The following EIF4E3 variants were observed in gnomAD, a reference collection of about 807,000 sequenced individuals.
EIF4E3 encodes the protein eukaryotic translation initiation factor 4E type 3.
EIF4E3 carries 26 observed loss-of-function variants against 31.7 expected under a neutral mutation model. The ratio of observed to expected loss-of-function variants is 0.82; its 90% CI spans 0.60 to 1.14. The LOEUF (loss-of-function observed/expected upper bound fraction) is 1.14, where lower values mean the gene tolerates loss of function less well. Ranked by LOEUF, EIF4E3 falls within the 50% of genes most tolerant of loss-of-function variation. The pLI, the probability that EIF4E3 is intolerant of heterozygous loss-of-function variation, is 0.00. For missense variants in EIF4E3, 304 were observed against 270.9 expected, an observed-to-expected ratio of 1.12 and a Z score of -0.86; for synonymous variants, 128 against 107.7, an observed-to-expected ratio of 1.19 and a Z score of -1.17.
intron 5 of EIF4E3, among the ~76,000 whole-genome samples, chr3:71,691,034 C>A (rs1408528475): frequency 6.6e-6 from 1 of 152,214 alleles, no homozygotes; most frequent in Non-Finnish European, 1.5e-5. Flanking sequence ...TCCTCCCTTG[C>A]AGCCACTTTG....
chr3:71,676,942 C>T lies in EIF4E3; in HGVS notation c.*7740G>A, dbSNP rs2048878967. The T allele has an allele frequency of 6.6e-6, 1 of 152,128 alleles. No individual in the cohort carries two copies. The highest frequency in any genetic ancestry group is 1.5e-5 in the Non-Finnish European group (1 of 68,034). 9.4% of individuals were successfully genotyped at this position (152,128 alleles called of 1,614,324 possible). On this transcript the variant is annotated 3_prime_UTR_variant, in exon 7 of 7. Coordinates refer to ENST00000425534, the MANE Select transcript of EIF4E3 (RefSeq NM_001134651.2). ...TCTGAAACCTTTCTCTAGGTCCATA[C>T]TTTATATAATCCTATATGTGCAAAA...
chr3:71,696,548 A>G (rs1276264697), intron 3 of EIF4E3, 28 bp from the exon 4 acceptor site: 1 of 1,613,354 alleles, frequency 6.2e-7, no homozygotes, highest in Admixed American at 1.7e-5. Flanking sequence ...GTTTAAAGTT[A>G]CACTCAGGAC....
rs2048876987 is a variant in EIF4E3 at position 71,676,665 on chromosome 3, T to G, written c.*8017A>C. The G allele has an allele frequency of 6.6e-6, 1 of 152,106 alleles. No homozygotes were observed. Among genetic ancestry groups the G allele is most frequent in the Non-Finnish European group, 1.5e-5 (1 of 68,014 alleles). The allele number at this position is 152,106 out of a possible 1,614,324, so 9.4% of individuals were successfully genotyped here. ...ACTTTGCCATATCTGAAAGTGTTTCTGTGGAACCACCCTTCTAGGGAACAC... is the reference window on the plus strand; with the variant it reads ...ACTTTGCCATATCTGAAAGTGTTTCGGTGGAACCACCCTTCTAGGGAACAC... On this transcript the variant is annotated 3_prime_UTR_variant, in exon 7 of 7. Coordinates refer to ENST00000425534, the MANE Select transcript of EIF4E3 (RefSeq NM_001134651.2).
downstream of EIF4E3, among the ~76,000 whole-genome samples, chr3:71,670,441 G>C (rs137925370): frequency 6.6e-6 from 1 of 151,932 alleles, no homozygotes; most frequent in African/African-American, 2.4e-5. Context: ...CCCCAGCCAC[G>C]GCCCTCGTCT....
intron 2 of EIF4E3, among the ~76,000 whole-genome samples, chr3:71,706,843 T>C (rs939617250): frequency 1.3e-5 from 2 of 151,902 alleles, no homozygotes; most frequent in Non-Finnish European, 2.9e-5. Context: ...AAAATTAATA[T>C]ACAATCCTAG....
chr3:71,669,091 T>C, the EIF4E3 span, among the ~76,000 whole-genome samples: 1 of 152,162 alleles, frequency 6.6e-6, no homozygotes, highest in Non-Finnish European at 1.5e-5. Context: ...TTCATGTCCT[T>C]TGCAGGGACA....
At chr3:71,696,709 G>A (rs980651000) in intron 3 of EIF4E3, among the ~76,000 whole-genome samples, 189 bp from the exon 4 acceptor site, 4 of 150,180 alleles carry the variant, frequency 2.7e-5, no homozygotes, top group African/African-American at 9.9e-5. Context: ...TATTTATGGG[G>A]TATATCTGAA....
chr3:71,688,889 C>T (rs1323394092), intron 6 of EIF4E3, among the ~76,000 whole-genome samples: 1 of 152,230 alleles, frequency 6.6e-6, no homozygotes, highest in African/African-American at 2.4e-5. Context: ...ATCAGTCCCA[C>T]TGCTTAACAT....
At chr3:71,685,574 G>A (rs1292681742) in intron 6 of EIF4E3, among the ~76,000 whole-genome samples, 1 of 152,234 alleles carries the variant, frequency 6.6e-6, no homozygotes, top group South Asian at 2.1e-4. Flanking sequence ...TGTTGGACAG[G>A]CTGGTCTGGA....
chr3:71,668,914 T>G, the EIF4E3 span, among the ~76,000 whole-genome samples: 2 of 152,318 alleles, frequency 1.3e-5, no homozygotes, highest in South Asian at 4.1e-4. Flanking sequence ...CAAAGGATTA[T>G]AAATCATTCT....
rs796971040 is a variant in EIF4E3 at position 71,684,026 on chromosome 3, T to C, written c.*656A>G. 1.9e-4 allele frequency: 29 copies of C among 152,430 alleles called. No homozygotes were observed. Among genetic ancestry groups the C allele is most frequent in the African/African-American group, 6.0e-4 (25 of 41,572 alleles). The allele number at this position is 152,430 out of a possible 1,614,324, so 9.4% of individuals were successfully genotyped here. ...AATTGTGATTATAGTTTTCATGTTA[T>C]GCAATCCAACTATTATTTTCCTTTT... On this transcript the variant is annotated 3_prime_UTR_variant, in exon 7 of 7. Coordinates refer to ENST00000425534, the MANE Select transcript of EIF4E3 (RefSeq NM_001134651.2).
At chr3:71,730,694 G>A (rs1401736459) in intron 1 of EIF4E3, among the ~76,000 whole-genome samples, 1 of 152,036 alleles carries the variant, frequency 6.6e-6, no homozygotes, top group African/African-American at 2.4e-5. Flanking sequence ...CAATCCGTGT[G>A]TTGGTCTTCC....
intron 1 of EIF4E3, among the ~76,000 whole-genome samples, chr3:71,715,951 C>T (rs1013683443): frequency 6.6e-6 from 1 of 152,252 alleles, no homozygotes; most frequent in South Asian, 2.1e-4. Flanking sequence ...AGGCCCATGA[C>T]CTTCCCCTTA....
At chr3:71,714,318 A>G (rs931828995) in intron 1 of EIF4E3, among the ~76,000 whole-genome samples, 1 of 146,902 alleles carries the variant, frequency 6.8e-6, no homozygotes, top group Non-Finnish European at 1.5e-5. Flanking sequence ...AAGAAAGGAA[A>G]GGAAAGAAAG....
intron 3 of EIF4E3, among the ~76,000 whole-genome samples, chr3:71,698,787 A>G (rs1368558991): frequency 6.6e-6 from 1 of 152,212 alleles, no homozygotes; most frequent in Non-Finnish European, 1.5e-5. Context: ...AGAAAATTAA[A>G]CCAATGTAGA....
the EIF4E3 span, among the ~76,000 whole-genome samples, chr3:71,665,101 G>A: frequency 1.3e-5 from 2 of 152,180 alleles, no homozygotes; most frequent in East Asian, 3.8e-4. Flanking sequence ...TGGTGGCCCT[G>A]ATGCAATGGT....
the EIF4E3 span, among the ~76,000 whole-genome samples, chr3:71,668,145 C>T: frequency 1.3e-5 from 2 of 152,106 alleles, no homozygotes; most frequent in Non-Finnish European, 2.9e-5. Flanking sequence ...CAAAAACAAG[C>T]AATGGGGAAA....
At chr3:71,699,829 T>C (rs1559595426) in intron 2 of EIF4E3, 121 bp from the exon 3 acceptor site, 1 of 754,740 alleles carries the variant, frequency 1.3e-6, no homozygotes, top group Non-Finnish European at 2.1e-6. Context: ...CCATTCAAAA[T>C]AGATTTTTCT....
chr3:71,714,242 A>AAAGGAAGGAAGGAAGGAAGGAAGG (rs751022382), intron 1 of EIF4E3, among the ~76,000 whole-genome samples: 1 of 131,938 alleles, frequency 7.6e-6, no homozygotes, highest in African/African-American at 3.1e-5. Flanking sequence ...GGGAAGAAGG[A>AAAGGAAGGAAGGAAGGAAGGAAGG]AAGGAAGGAA....
Sources: gnomAD v4.1 joint callset for allele counts (sites outside exome capture counted in the v4.1 genomes callset) on GRCh38, gnomAD v4.1.1 for gene constraint, MANE v1.5 for transcripts, NCBI Gene and HGNC (gene_info 2026-07-23, HGNC 2026-07-21) for gene names.